The following SCARF1 variants were observed in gnomAD, a reference collection of about 807,000 sequenced individuals.
SCARF1 encodes scavenger receptor class F member 1.
Under a neutral mutation model 76.3 loss-of-function variants are expected in SCARF1, and 49 were observed. The observed-to-expected ratio is 0.64, with a 90% confidence interval of 0.51 to 0.81. SCARF1 has a LOEUF of 0.81. Ranked by LOEUF, SCARF1 falls within the 40% of genes least tolerant of loss-of-function variation. SCARF1 has a pLI of 0.00. For missense variants in SCARF1, 1,098 were observed against 1,143.9 expected, an observed-to-expected ratio of 0.96 and a Z score of 0.58; for synonymous variants, 495 against 474.6, an observed-to-expected ratio of 1.04 and a Z score of -0.56.
intron 4 of SCARF1, among the ~76,000 whole-genome samples, chr17:1,642,688 G>A (rs1910149274): frequency 6.6e-6 from 1 of 152,066 alleles, no homozygotes; most frequent in Non-Finnish European, 1.5e-5. Flanking sequence ...CTGGACCTGG[G>A]GCAACAAAGC....
At chr17:1,638,729 C>CCCCT (rs1909790125) in intron 8 of SCARF1, 77 bp downstream of exon 8, 2 of 1,451,858 alleles carry the variant, frequency 1.4e-6, no homozygotes, top group East Asian at 2.5e-5. Flanking sequence ...CCTCCCCACC[C>CCCCT]CACAAGGAAA....
Position 1,644,525 on chromosome 17 carries a change from T to G in SCARF1, c.265+309A>C. ...TTCCATCCACTGCCCATGTATAAGG[T>G]ATATGTGGGAAAGGCAAGTAATACA... On this transcript the variant is annotated intron_variant, in intron 3 of 10. Coordinates refer to ENST00000263071, the MANE Select transcript of SCARF1 (RefSeq NM_003693.4). This position sits in a 1 kb window ranked among gnomAD's most constrained non-coding sequence, Gnocchi z 4.8. 1 of 513,618 alleles carries G rather than the reference T, an allele frequency of 1.9e-6. No individual in the cohort carries two copies. Among genetic ancestry groups the G allele is most frequent in the Admixed American group, 3.3e-5 (1 of 29,998 alleles). 31.8% of individuals were successfully genotyped at this position (513,618 alleles called of 1,614,324 possible). A position where few individuals can be genotyped will look rare whatever the true frequency, so the allele number is the denominator to read the frequency against.
chr17:1,641,180 G>A (rs892264021), intron 4 of SCARF1, among the ~76,000 whole-genome samples: 6 of 152,220 alleles, frequency 3.9e-5, no homozygotes, highest in Admixed American at 6.5e-5. Context: ...GGAACTGGGC[G>A]ACAGCGTAGA....
At chr17:1,642,854 G>A (rs553975809) in intron 4 of SCARF1, among the ~76,000 whole-genome samples, 1 of 152,214 alleles carries the variant, frequency 6.6e-6, no homozygotes, top group Non-Finnish European at 1.5e-5. Context: ...GGGACTACAG[G>A]CGCAGCCCGG....
At position 1,643,917 on chromosome 17, in the gene SCARF1, G is replaced by T. The variant is rs1224583434; in HGVS notation, c.316C>A (p.His106Asn). ...GCTGGCTCGCACTGGCCGTGCGGGT[G>T]GCAGGGGCAGCTCTCACGGCAGTCG... ...GPDCRESCPC[H>N]PHGQCEPATG... The change falls in exon 4 of 11, where the codon CAC (histidine) becomes AAC (asparagine). Residue 106 changes from histidine to asparagine, a missense_variant. His to Asn is a moderately conservative substitution (Grantham distance 68). Coordinates refer to ENST00000263071, the MANE Select transcript of SCARF1 (RefSeq NM_003693.4). 2 of 1,348,686 alleles carry T rather than the reference G, an allele frequency of 1.5e-6. No homozygotes were observed. Among genetic ancestry groups the T allele is most frequent in the South Asian group, 3.7e-5 (2 of 54,698 alleles). 83.5% of individuals were successfully genotyped at this position (1,348,686 alleles called of 1,614,324 possible).
chr17:1,645,167 T>C lies in SCARF1; in HGVS notation c.163+11A>G. ...CTTCTCCTTGGCTGAGGGTCTGTCC[T>C]GGCTACTCACGGATGGTGCATTCTT... On this transcript the variant is annotated intron_variant, in intron 2 of 10. Transcript: ENST00000263071. This position sits in a 1 kb window ranked among gnomAD's most constrained non-coding sequence, Gnocchi z 6.3. The C allele has an allele frequency of 1.2e-6, 2 of 1,613,882 alleles. No homozygotes were observed. The highest frequency in any genetic ancestry group is 8.5e-7 in the Non-Finnish European group (1 of 1,179,962).
chr17:1,645,453 A>C lies in SCARF1; in HGVS notation c.101+144T>G. The C allele has an allele frequency of 6.6e-7, 1 of 1,515,530 alleles. No homozygotes were observed. Among genetic ancestry groups the C allele is most frequent in the South Asian group, 1.2e-5 (1 of 83,426 alleles). 93.9% of individuals were successfully genotyped at this position (1,515,530 alleles called of 1,614,324 possible). A position where few individuals can be genotyped will look rare whatever the true frequency, so the allele number is the denominator to read the frequency against. On this transcript the variant is annotated intron_variant, in intron 1 of 10. Transcript: ENST00000263071. This position sits in a 1 kb window ranked among gnomAD's most constrained non-coding sequence, Gnocchi z 6.3. ...GCTGGCCACTACCTGCCAGACCGCC[A>C]TCAGCAGTCCCTTCCTTTCAGCCTA...
rs1390390495 is a variant in SCARF1, at chr17:1,643,608, C to A, written c.625G>T (p.Ala209Ser). Reference protein sequence around the residue: ...SPCEQDSGRCACRPGWWGPEC... With the variant: ...SPCEQDSGRCSCRPGWWGPEC... ...GGACCCCACCAGCCCGGCCGGCAGG[C>A]GCAGCGGCCGGAGTCCTGCTCGCAC... is the stretch of plus-strand genomic sequence containing the variant. Residue 209 changes from alanine (A) to serine (S), a missense_variant, in exon 4 of 11, where the codon GCC becomes TCC. Coordinates refer to ENST00000263071, the MANE Select transcript of SCARF1 (RefSeq NM_003693.4). The A allele has an allele frequency of 3.4e-6, 5 of 1,472,652 alleles. No homozygotes were observed. Among genetic ancestry groups the A allele is most frequent in the Non-Finnish European group, 4.5e-6 (5 of 1,119,658 alleles). 91.2% of individuals were successfully genotyped at this position (1,472,652 alleles called of 1,614,324 possible).
In SCARF1 at chr17:1,643,726, C is replaced by T; in HGVS notation, c.507G>A (p.Ala169=). The T allele has an allele frequency of 7.5e-7, 1 of 1,330,630 alleles. No homozygotes were observed. 82.4% of individuals were successfully genotyped at this position (1,330,630 alleles called of 1,614,324 possible). The change falls in exon 4 of 11, where the codon GCG becomes GCA. Residue 169 remains alanine, a synonymous_variant. Transcript: ENST00000263071. ...CGCCCGTGGCCTGCTCGCAGCGCGC[C>T]GCCGCGGTGTTGCACTGGCACGGGC... The part of the protein sequence containing the change: ...CRRPCQCNTA[A]ARCEQATGAC...
At position 1,637,023 on chromosome 17, in the gene SCARF1, C is replaced by A. The variant is rs1182784249; in HGVS notation, c.1404G>T (p.Leu468=). The A allele has an allele frequency of 1.4e-5, 22 of 1,614,054 alleles. No individual in the cohort carries two copies. The highest frequency in any genetic ancestry group is 1.8e-5 in the Non-Finnish European group (21 of 1,180,028). ...AGCTGGTCAGTGTCCCCCAGACCTGCAGCTTCATCCTGGACACGGTAGCTC... is the reference window on the plus strand; with the variant it reads ...AGCTGGTCAGTGTCCCCCAGACCTGAAGCTTCATCCTGGACACGGTAGCTC... ...RDGATVSRMK[L]QVWGTLTSLG... The change falls in exon 9 of 11, where the codon CTG becomes CTT. Residue 468 remains leucine, a synonymous_variant. Coordinates refer to ENST00000263071, the MANE Select transcript of SCARF1 (RefSeq NM_003693.4).
rs1279849485 is a variant in SCARF1, at chr17:1,645,178, G to T, written c.163C>A (p.Pro55Thr). 6.2e-7 allele frequency: 1 copy of T among 1,613,744 alleles called. No homozygotes were observed. The highest frequency in any genetic ancestry group is 8.5e-7 in the Non-Finnish European group (1 of 1,179,986). ...WRQKDQECTI[P>T]ICEGPDACQK... ...CTGAGGGTCTGTCCTGGCTACTCAC[G>T]GATGGTGCATTCTTGATCCTTCTGC... Residue 55 changes from proline (P) to threonine (T), a missense_variant and splice_region_variant, in exon 2 of 11, where the codon CCC (proline) becomes ACC (threonine). Physicochemically the swap from Pro to Thr is conservative, Grantham distance 38 (BLOSUM62 -1). Coordinates refer to ENST00000263071, the MANE Select transcript of SCARF1 (RefSeq NM_003693.4). This position sits in a 1 kb window ranked among gnomAD's most constrained non-coding sequence, Gnocchi z 6.3.
intron 7 of SCARF1, 53 bp downstream of exon 7, chr17:1,639,586 G>T: frequency 1.5e-6 from 2 of 1,325,792 alleles, no homozygotes; most frequent in South Asian, 1.3e-5. Flanking sequence ...GAGCCCATGT[G>T]AAGGGCCCGC....
In SCARF1 at chr17:1,640,150, C is replaced by T. The variant is rs911246357; in HGVS notation, c.1011-110G>A. ...CTGGACTCAAGGACCCAACTGGCCA[C>T]TCCTCAGCAGTGAAGCTCAGGTGCA... On this transcript the variant is annotated intron_variant, in intron 5 of 10. Coordinates refer to ENST00000263071, the MANE Select transcript of SCARF1 (RefSeq NM_003693.4). This position sits in a 1 kb window ranked among gnomAD's most constrained non-coding sequence, Gnocchi z 4.7. 3.7e-6 allele frequency: 5 copies of T among 1,334,982 alleles called. No homozygotes were observed. The highest frequency in any genetic ancestry group is 2.4e-5 in the Admixed American group (1 of 42,376). 82.7% of individuals were successfully genotyped at this position (1,334,982 alleles called of 1,614,324 possible). A position where few individuals can be genotyped will look rare whatever the true frequency, so the allele number is the denominator to read the frequency against.
At position 1,634,968 on chromosome 17, in the gene SCARF1, C is replaced by T. The variant is rs368378773; in HGVS notation, c.2283G>A (p.Gly761=). 5.6e-6 allele frequency: 9 copies of T among 1,613,144 alleles called. No individual in the cohort carries two copies. The African/African-American group carries it at 1.1e-4, about 19-fold the overall frequency. ...CCATAGGCCCTGTGGCCCCAGGAAG[C>T]CCAGCTTTTGGGGCTGAGTTGGGGC... ...GQSPNSAPKA[G]LPGATGPMAV... The change falls in exon 11 of 11, where the codon GGG becomes GGA. Residue 761 remains glycine (G), a synonymous_variant. Transcript: ENST00000263071.
intron 7 of SCARF1, 105 bp downstream of exon 7, chr17:1,639,534 C>A: frequency 1.2e-4 from 78 of 659,576 alleles, no homozygotes; most frequent in Non-Finnish European, 1.5e-4. Context: ...AAAAGAATAT[C>A]TCTGAAGTGG....
chr17:1,640,419 C>T lies in SCARF1; in HGVS notation c.1010+29G>A. On this transcript the variant is annotated intron_variant, in intron 5 of 10. Transcript: ENST00000263071. The surrounding 1 kb of genome is among the most constrained non-coding windows in gnomAD (Gnocchi z 4.7). ...GCTGAGGGTCCTGGGGGAAGGTGTA[C>T]CCCACCCTGAACAGAATGGTGCCCT... 3 of 1,531,558 alleles carry T rather than the reference C, an allele frequency of 2.0e-6. No individual in the cohort carries two copies. The highest frequency in any genetic ancestry group is 1.2e-5 in the South Asian group (1 of 83,642). The allele number at this position is 1,531,558 out of a possible 1,614,324, so 94.9% of individuals were successfully genotyped here.
rs775680092 is a variant in SCARF1, at chr17:1,640,147, C to A, written c.1011-107G>T. ...CTCCTGGACTCAAGGACCCAACTGG[C>A]CACTCCTCAGCAGTGAAGCTCAGGT... On this transcript the variant is annotated intron_variant, in intron 5 of 10. Transcript: ENST00000263071. This position sits in a 1 kb window ranked among gnomAD's most constrained non-coding sequence, Gnocchi z 4.7. 6 of 1,353,796 alleles carry A rather than the reference C, an allele frequency of 4.4e-6. No homozygotes were observed. In the South Asian group the frequency reaches 6.7e-5, roughly 15 times the overall value. The allele number at this position is 1,353,796 out of a possible 1,614,324, so 83.9% of individuals were successfully genotyped here.
In SCARF1 at chr17:1,644,788, C is replaced by G; in HGVS notation, c.265+46G>C. ...TCGCCTGCTCCCACACCACTGCCCC[C>G]GTACCCAGCTCTGCCCAGCAACTTC... On this transcript the variant is annotated intron_variant, in intron 3 of 10. Coordinates refer to ENST00000263071, the MANE Select transcript of SCARF1 (RefSeq NM_003693.4). This position sits in a 1 kb window ranked among gnomAD's most constrained non-coding sequence, Gnocchi z 4.8. The G allele has an allele frequency of 6.4e-7, 1 of 1,565,188 alleles. No homozygotes were observed. Among genetic ancestry groups the G allele is most frequent in the Non-Finnish European group, 8.7e-7 (1 of 1,150,328 alleles).
chr17:1,637,768 G>A (rs926285178), intron 8 of SCARF1, among the ~76,000 whole-genome samples: 7 of 152,074 alleles, frequency 4.6e-5, no homozygotes, highest in African/African-American at 7.2e-5. Context: ...CACTGCGCCC[G>A]GCGCACCTGT....
Sources: gnomAD v4.1 joint callset for allele counts (sites outside exome capture counted in the v4.1 genomes callset) on GRCh38, gnomAD v4.1.1 for gene constraint, Gnocchi (gnomAD v3.1) non-coding constraint, MANE v1.5 for transcripts, NCBI Gene and HGNC (gene_info 2026-07-23, HGNC 2026-07-21) for gene names.